MAP3K12: variants seen among roughly 807,000 people sequenced by gnomAD.
MAP3K12 encodes the protein MAPK-upstream kinase.
MAP3K12 carries 14 observed loss-of-function variants against 87.5 expected under a neutral mutation model. The ratio of observed to expected loss-of-function variants is 0.16; its 90% confidence interval spans 0.11 to 0.25. MAP3K12 has a LOEUF of 0.25. Among genes scored for constraint, MAP3K12 ranks in the 10% least tolerant of loss-of-function variants. The probability of loss-of-function intolerance (pLI) is 1.00; values close to 1 mark genes in which losing one functional copy is unlikely to be tolerated. For missense variants in MAP3K12, 802 were observed against 1,140.4 expected (o/e 0.70, Z 4.27); for synonymous variants, 469 against 452.5 (o/e 1.04, Z -0.46).
At position 53,480,183 on chromosome 12, in the gene MAP3K12, CCA is replaced by C. The variant is rs1384386106; in HGVS notation, c.*997_*998del. 2.6e-5 allele frequency: 4 copies of C among 152,138 alleles called. No homozygotes were observed. The highest frequency in any genetic ancestry group is 9.7e-5 in the African/African-American group (4 of 41,402). The allele number at this position is 152,138 out of a possible 1,614,324, so 9.4% of individuals were successfully genotyped here. ...AGTTGATCATATGTCTGACTGGGTT[CCA>C]GTTTCTTGGGAATGTTGGTCCCCTT... On this transcript the variant is annotated 3_prime_UTR_variant, in exon 14 of 14. Coordinates refer to ENST00000547488, the MANE Select transcript of MAP3K12 (RefSeq NM_001193511.2).
chr12:53,486,224 C>T lies in MAP3K12; in HGVS notation c.653G>A (p.Cys218Tyr). The T allele has an allele frequency of 1.9e-6, 3 of 1,610,096 alleles. No individual in the cohort carries two copies. The highest frequency in any genetic ancestry group is 2.5e-6 in the Non-Finnish European group (3 of 1,177,842). Residue 218 changes from cysteine (C) to tyrosine (Y), a missense_variant, in exon 4 of 14, where the codon TGC becomes TAC. Transcript: ENST00000547488. This position sits in a 1 kb window ranked among gnomAD's most constrained non-coding sequence, Gnocchi z 4.9. ...TFKGVCTQAPCYCILMEFCAQ... is the reference protein window; with the variant it reads ...TFKGVCTQAPYYCILMEFCAQ... ...GCAGAACTCCATGAGGATGCAGTAG[C>T]AGGGAGCCTGGGTGCACACACCCCT...
intron 8 of MAP3K12, 70 bp from the exon 9 acceptor site, chr12:53,483,793 G>C: frequency 8.1e-6 from 13 of 1,612,484 alleles, no homozygotes; most frequent in Non-Finnish European, 1.0e-5. Flanking sequence ...CTCAGTCTCA[G>C]AATTCCTGTC....
intron 1 of MAP3K12, among the ~76,000 whole-genome samples, chr12:53,492,377 G>A (rs1277131612): frequency 1.3e-5 from 2 of 152,154 alleles, no homozygotes; most frequent in African/African-American, 4.8e-5. Context: ...CTGGCACGCA[G>A]AAGGTGCTCG....
At chr12:53,501,307 C>G (rs972079980), upstream of MAP3K12, 15 of 1,378,490 alleles carry the variant, frequency 1.1e-5, no homozygotes, top group Non-Finnish European at 1.5e-5. Flanking sequence ...CGGGCCCTAC[C>G]GGCCGCGACT....
chr12:53,501,096 A>G, upstream of MAP3K12: 1 of 416,862 alleles, frequency 2.4e-6, no homozygotes, highest in Non-Finnish European at 4.4e-6. Context: ...CGCGGAAGGA[A>G]GGAGGCGGGA....
chr12:53,483,319 C>CA (rs774096147), intron 10 of MAP3K12, 30 bp downstream of exon 10: 4 of 1,608,980 alleles, frequency 2.5e-6, no homozygotes, highest in Non-Finnish European at 3.4e-6. Context: ...TCCCTCTTGC[C>CA]ATATTGGAAC....
rs756899349 is a variant in MAP3K12, at chr12:53,483,183, A to G, written c.1620T>C (p.Asp540=). 2 of 1,525,338 alleles carry G rather than the reference A, an allele frequency of 1.3e-6. No individual in the cohort carries two copies. The highest frequency in any genetic ancestry group is 1.3e-5 in the South Asian group (1 of 75,592). 94.5% of individuals were successfully genotyped at this position (1,525,338 alleles called of 1,614,324 possible). ...GGAGCAAAGACTCCGTCTTGAGGATATCTGGCCTGGAAGAAGAGGAAAAGT... is the reference window on the plus strand; with the variant it reads ...GGAGCAAAGACTCCGTCTTGAGGATGTCTGGCCTGGAAGAAGAGGAAAAGT... ...QKLSPHSKRP[D]ILKTESLLPK... Residue 540 remains aspartate (D), a synonymous_variant, in exon 11 of 14, where the codon GAT becomes GAC. Transcript: ENST00000547488.
intron 1 of MAP3K12, among the ~76,000 whole-genome samples, chr12:53,491,737 T>C (rs978486281): frequency 2.8e-5 from 4 of 143,902 alleles, no homozygotes; most frequent in African/African-American, 1.0e-4. Context: ...CCGGCAGGCA[T>C]AGAGGTATTA....
At chr12:53,490,762 T>A (rs889008535) in intron 1 of MAP3K12, among the ~76,000 whole-genome samples, 6 of 144,750 alleles carry the variant, frequency 4.1e-5, no homozygotes, top group South Asian at 2.2e-4. Flanking sequence ...AAAAAAAAAA[T>A]TAGCTGAGTG....
At chr12:53,491,526 C>T (rs191378987) in intron 1 of MAP3K12, among the ~76,000 whole-genome samples, 19 of 150,154 alleles carry the variant, frequency 1.3e-4, no homozygotes, top group African/African-American at 4.6e-4. Flanking sequence ...CTCTGCCTTC[C>T]GGGTTCACAC....
Position 53,482,164 on chromosome 12 carries a change from G to A in MAP3K12, c.2357C>T (p.Ser786Leu). ...NMRQSLSTFS[S>L]ENPSDGEEGT... Reference sequence around the variant, plus strand: ...TTCCTCCCCATCTGATGGATTCTCTGAGCTGAAGGTAGATAGTGACTGGCG... The same window carrying A: ...TTCCTCCCCATCTGATGGATTCTCTAAGCTGAAGGTAGATAGTGACTGGCG... Residue 786 changes from serine to leucine, a missense_variant, in exon 13 of 14, where the codon TCA becomes TTA. By Grantham distance (145) the Ser-to-Leu change is moderately radical. Coordinates refer to ENST00000547488, the MANE Select transcript of MAP3K12 (RefSeq NM_001193511.2). The A allele has an allele frequency of 1.9e-6, 3 of 1,614,196 alleles. No individual in the cohort carries two copies. The highest frequency in any genetic ancestry group is 2.5e-6 in the Non-Finnish European group (3 of 1,180,032).
upstream of MAP3K12, chr12:53,500,876 G>C (rs1485303990): frequency 1.3e-5 from 2 of 154,618 alleles, no homozygotes; most frequent in African/African-American, 4.8e-5. Context: ...ATCGCAATGG[G>C]AGTAACCAAT....
chr12:53,481,224 G>A lies in MAP3K12; in HGVS notation c.2637C>T (p.Asn879=). The change falls in exon 14 of 14, where the codon AAC becomes AAT. Residue 879 remains asparagine, a synonymous_variant. Coordinates refer to ENST00000547488, the MANE Select transcript of MAP3K12 (RefSeq NM_001193511.2). ...CTGGGGGCCGCAAGGCATCAACGCTGTTGGAGTTGTCCAATTCAGTGCTGT... is the reference window on the plus strand; with the variant it reads ...CTGGGGGCCGCAAGGCATCAACGCTATTGGAGTTGTCCAATTCAGTGCTGT... ...DCDSTELDNS[N]SVDALRPPAS... The A allele has an allele frequency of 1.3e-6, 2 of 1,563,532 alleles. No individual in the cohort carries two copies. The highest frequency in any genetic ancestry group is 1.2e-5 in the South Asian group (1 of 84,834).
rs759277041 is a variant in MAP3K12, at chr12:53,482,678, C to T, written c.2125G>A (p.Gly709Arg). The change falls in exon 11 of 14, where the codon GGG becomes AGG. Residue 709 changes from glycine to arginine, a missense_variant. Physicochemically the swap from Gly to Arg is moderately radical, Grantham distance 125. Transcript: ENST00000547488. Reference protein sequence around the residue: ...PPPVGPGEGVGLLGTGREGTS... With the variant: ...PPPVGPGEGVRLLGTGREGTS... ...CCTTCCCTTCCAGTTCCCAGAAGCC[C>T]CACACCTTCACCAGGCCCTACTGGA... The T allele has an allele frequency of 3.1e-6, 5 of 1,613,878 alleles. No homozygotes were observed. The African/African-American group carries it at 5.3e-5, about 17-fold the overall frequency.
intron 7 of MAP3K12, 38 bp downstream of exon 7, chr12:53,484,219 A>AGG: frequency 6.4e-7 from 1 of 1,552,740 alleles, no homozygotes; most frequent in Non-Finnish European, 8.9e-7. Context: ...TCTGCAAAGA[A>AGG]GGGGAGTTAG....
intron 1 of MAP3K12, among the ~76,000 whole-genome samples, chr12:53,497,720 G>T (rs567245541): frequency 6.6e-6 from 1 of 152,244 alleles, no homozygotes; most frequent in East Asian, 1.9e-4. Flanking sequence ...GCAGCTGGGG[G>T]TCCCAGGGCT....
At chr12:53,483,807 A>G in intron 8 of MAP3K12, 84 bp from the exon 9 acceptor site, 1 of 1,612,088 alleles carries the variant, frequency 6.2e-7, no homozygotes. Flanking sequence ...TCCTGTCCAC[A>G]GTCCTTTCGT....
In MAP3K12 at chr12:53,479,986, C is replaced by G. The variant is rs1262749603; in HGVS notation, c.*1196G>C. 6.6e-6 allele frequency: 1 copy of G among 152,058 alleles called. No homozygotes were observed. Among genetic ancestry groups the G allele is most frequent in the African/African-American group, 2.4e-5 (1 of 41,338 alleles). 9.4% of individuals were successfully genotyped at this position (152,058 alleles called of 1,614,324 possible). A position where few individuals can be genotyped will look rare whatever the true frequency, so the allele number is the denominator to read the frequency against. ...CCATCTTTTTTTGTGGCCCTCGATCCTATTTTTCCCTGACTCCATGCTTGG... is the reference window on the plus strand; with the variant it reads ...CCATCTTTTTTTGTGGCCCTCGATCGTATTTTTCCCTGACTCCATGCTTGG... On this transcript the variant is annotated 3_prime_UTR_variant, in exon 14 of 14. Transcript: ENST00000547488.
In MAP3K12 at chr12:53,483,845, T is replaced by A. The variant is rs191925764; in HGVS notation, c.1358+66A>T. ...TCCTTCCACCCGCCCTGGGGCTGGG[T>A]AGGAGCTGACTGGGTGCATAGTCCT... is the stretch of plus-strand genomic sequence containing the variant. On this transcript the variant is annotated intron_variant, in intron 8 of 13. Coordinates refer to ENST00000547488, the MANE Select transcript of MAP3K12 (RefSeq NM_001193511.2). 374 of 1,610,482 alleles carry A rather than the reference T, an allele frequency of 2.3e-4. No homozygotes were observed. The African/African-American group carries it at 4.2e-3, about 18-fold the overall frequency.
Sources: allele counts gnomAD v4.1 joint callset (sites outside exome capture counted in the v4.1 genomes callset), GRCh38; gene constraint gnomAD v4.1.1; non-coding constraint Gnocchi (gnomAD v3.1); transcripts MANE v1.5; gene names NCBI Gene and HGNC (gene_info 2026-07-23, HGNC 2026-07-21).